Variants in UBR2 observed in about 807,000 individuals in gnomAD.
UBR2 encodes the protein ubiquitin protein ligase E3 component n-recognin 2, also known as E3 ubiquitin-protein ligase UBR2.
A neutral mutation model predicts 247.9 loss-of-function variants in UBR2; 92 were observed. The ratio of observed to expected loss-of-function variants is 0.37; its 90% confidence interval spans 0.31 to 0.44. The LOEUF is 0.44. Among genes scored for constraint, UBR2 ranks in the 20% least tolerant of loss-of-function variants. The pLI, the probability that UBR2 is intolerant of heterozygous loss-of-function variation, is 1.00. For missense variants in UBR2, 1,613 were observed against 2,112.6 expected, an observed-to-expected ratio of 0.76 and a Z score of 4.64; for synonymous variants, 672 against 693.5, an observed-to-expected ratio of 0.97 and a Z score of 0.49.
intron 2 of UBR2, among the ~76,000 whole-genome samples, chr6:42,583,104 G>T (rs199924038): frequency 1.3e-5 from 2 of 152,014 alleles, no homozygotes; most frequent in African/African-American, 4.8e-5. Flanking sequence ...GCTGTGGCTT[G>T]TTTCTATGGT....
intron 17 of UBR2, 66 bp downstream of exon 17, chr6:42,641,758 T>G: frequency 7.7e-7 from 1 of 1,298,708 alleles, no homozygotes. Flanking sequence ...GGTTGTAATT[T>G]TCAGTGGACT....
chr6:42,636,655 G>A (rs559107148), intron 14 of UBR2, among the ~76,000 whole-genome samples: 5 of 152,278 alleles, frequency 3.3e-5, no homozygotes, highest in Admixed American at 1.3e-4. Flanking sequence ...AGTCAAAGCA[G>A]GAATTTAATA....
intron 4 of UBR2, among the ~76,000 whole-genome samples, chr6:42,599,541 A>G (rs1181650243): frequency 6.6e-6 from 1 of 152,216 alleles, no homozygotes; most frequent in Non-Finnish European, 1.5e-5. Context: ...TGCTCTTAAC[A>G]CAGTACCTTA....
At chr6:42,631,499 G>A (rs1301841880) in intron 11 of UBR2, among the ~76,000 whole-genome samples, 3 of 152,006 alleles carry the variant, frequency 2.0e-5, no homozygotes, top group Non-Finnish European at 4.4e-5. Context: ...CTCTTTAACC[G>A]ATTACTTCCA....
chr6:42,654,575 A>ATT (rs1797328966), intron 25 of UBR2, among the ~76,000 whole-genome samples: 1 of 152,184 alleles, frequency 6.6e-6, no homozygotes, highest in South Asian at 2.1e-4. Context: ...AAATAAAAAA[A>ATT]TTAGCCAATC....
At chr6:42,651,009 C>CT (rs1797077410) in intron 23 of UBR2, among the ~76,000 whole-genome samples, 1 of 152,074 alleles carries the variant, frequency 6.6e-6, no homozygotes, top group African/African-American at 2.4e-5. Flanking sequence ...ATCGCTTGAG[C>CT]TCAGGAGTTC....
rs779292085 is a variant in UBR2, at chr6:42,564,394, G to A, written c.75G>A (p.Ala25=). ...TGGAATGTTCGGCCGAGGAGATTGCGGGGGTGAGTGCCGGAACCCGGGCGG... is the reference window on the plus strand; with the variant it reads ...TGGAATGTTCGGCCGAGGAGATTGCAGGGGTGAGTGCCGGAACCCGGGCGG... ...SLLECSAEEI[A]GKWLQATDLT... Residue 25 remains alanine, a synonymous_variant, in exon 1 of 47, where the codon GCG becomes GCA. Transcript: ENST00000372901. 5 of 1,609,106 alleles carry A rather than the reference G, an allele frequency of 3.1e-6. No homozygotes were observed. Among genetic ancestry groups the A allele is most frequent in the East Asian group, 2.2e-5 (1 of 44,522 alleles).
At chr6:42,625,888 A>G (rs1018379033) in intron 11 of UBR2, among the ~76,000 whole-genome samples, 1 of 146,072 alleles carries the variant, frequency 6.8e-6, no homozygotes, top group Non-Finnish European at 1.5e-5. Flanking sequence ...ATCTCGGCTC[A>G]CTGCATGCTC....
At chr6:42,616,171 A>G in intron 10 of UBR2, 81 bp downstream of exon 10, 1 of 862,850 alleles carries the variant, frequency 1.2e-6, no homozygotes, top group Non-Finnish European at 1.8e-6. Context: ...CAAAAAATTA[A>G]CATCTAATAG....
chr6:42,682,057 G>T (rs1799088843), intron 42 of UBR2, among the ~76,000 whole-genome samples: 1 of 152,170 alleles, frequency 6.6e-6, no homozygotes, highest in Non-Finnish European at 1.5e-5. Flanking sequence ...CTGAGTGACA[G>T]AGCAAGACTC....
At chr6:42,564,876 C>T (rs1790685418) in intron 1 of UBR2, among the ~76,000 whole-genome samples, 1 of 152,182 alleles carries the variant, frequency 6.6e-6, no homozygotes, top group Admixed American at 6.5e-5. Context: ...TTTGGGACTG[C>T]CCCAGGCACC....
intron 11 of UBR2, among the ~76,000 whole-genome samples, chr6:42,625,818 C>CCTT (rs1554253695): frequency 4.8e-5 from 7 of 144,394 alleles, no homozygotes; most frequent in Non-Finnish European, 1.1e-4. Flanking sequence ...TTTTTCCCCC[C>CCTT]TTTTTTTTTT....
intron 11 of UBR2, among the ~76,000 whole-genome samples, chr6:42,630,834 C>G (rs1007035626): frequency 6.6e-6 from 1 of 151,818 alleles, no homozygotes; most frequent in Non-Finnish European, 1.5e-5. Context: ...GTTTTTAAGA[C>G]AGGGTCTCAC....
At chr6:42,598,655 T>A (rs1793159829) in intron 4 of UBR2, among the ~76,000 whole-genome samples, 1 of 152,188 alleles carries the variant, frequency 6.6e-6, no homozygotes, top group Non-Finnish European at 1.5e-5. Flanking sequence ...CCTTTGTTAG[T>A]CTTTATAGGA....
chr6:42,632,958 C>CTTTTCTTT, intron 13 of UBR2, 54 bp downstream of exon 13: 1 of 645,556 alleles, frequency 1.5e-6, no homozygotes, highest in Non-Finnish European at 2.1e-6. Context: ...TCTCTTTTCT[C>CTTTTCTTT]TTTTTTTTTT....
intron 4 of UBR2, among the ~76,000 whole-genome samples, chr6:42,597,467 G>T (rs1002761650): frequency 2.0e-5 from 3 of 151,910 alleles, no homozygotes; most frequent in Non-Finnish European, 4.4e-5. Context: ...ATGGTGGCGT[G>T]CACCTGTAGT....
intron 24 of UBR2, 70 bp from the exon 25 acceptor site, chr6:42,652,421 A>G: frequency 1.4e-5 from 20 of 1,480,134 alleles, no homozygotes; most frequent in Non-Finnish European, 1.6e-5. Context: ...AAAACTATCA[A>G]AAGTAACAAA....
At position 42,689,565 on chromosome 6, in the gene UBR2, A is replaced by G; in HGVS notation, c.5025-4A>G. On this transcript the variant is annotated splice_polypyrimidine_tract_variant and splice_region_variant and intron_variant, in intron 45 of 46. Transcript: ENST00000372901. This position sits in a 1 kb window ranked among gnomAD's most constrained non-coding sequence, Gnocchi z 4.0. ...TGTGTAACGTATGACTGATCTCTCT[A>G]CAGAGTACGGGAATGTCAGGTGCTA... is the stretch of plus-strand genomic sequence containing the variant. The G allele has an allele frequency of 6.2e-7, 1 of 1,613,606 alleles. No homozygotes were observed. The highest frequency in any genetic ancestry group is 8.5e-7 in the Non-Finnish European group (1 of 1,179,554).
intron 10 of UBR2, 87 bp downstream of exon 10, chr6:42,616,177 A>T (rs1210591921): frequency 1.3e-6 from 1 of 780,722 alleles, no homozygotes; most frequent in Non-Finnish European, 2.0e-6. Context: ...ATTAACATCT[A>T]ATAGTAATAT....
Sources: allele counts gnomAD v4.1 joint callset (sites outside exome capture counted in the v4.1 genomes callset), GRCh38; gene constraint gnomAD v4.1.1; non-coding constraint Gnocchi (gnomAD v3.1); transcripts MANE v1.5; gene names NCBI Gene and HGNC (gene_info 2026-07-23, HGNC 2026-07-21).